Variants in SEC13 observed in about 807,000 individuals in gnomAD.
The protein encoded by SEC13 is SEC13 homolog, nuclear pore and COPII component.
Under a neutral mutation model 49.2 loss-of-function variants are expected in SEC13, and 25 were observed. The observed-to-expected ratio is 0.51, with a 90% confidence interval of 0.37 to 0.71. The LOEUF is 0.71. Among genes scored for constraint, SEC13 ranks in the 30% least tolerant of loss-of-function variants. The pLI, the probability that SEC13 is intolerant of heterozygous loss-of-function variation, is 0.00. For missense variants in SEC13, 383 were observed against 417.6 expected (o/e 0.92, Z 0.72); for synonymous variants, 148 against 163.9 (o/e 0.90, Z 0.74).
At chr3:10,309,638 G>T (rs1245101493) in intron 5 of SEC13, among the ~76,000 whole-genome samples, 1 of 152,096 alleles carries the variant, frequency 6.6e-6, no homozygotes, top group African/African-American at 2.4e-5. Context: ...ATGTCACCTG[G>T]CTTGATTTGA....
chr3:10,320,006 G>GGAGGGA (rs1553639103), intron 1 of SEC13, among the ~76,000 whole-genome samples: 2 of 103,112 alleles, frequency 1.9e-5, no homozygotes, highest in African/African-American at 7.6e-5. Context: ...GGGAGGGTGG[G>GGAGGGA]GAGAGAGAGA....
chr3:10,305,875 A>AT (rs1700844548), intron 5 of SEC13, 183 bp from the exon 6 acceptor site: 1 of 549,922 alleles, frequency 1.8e-6, no homozygotes, highest in Admixed American at 3.1e-5. Context: ...CAGTGTGTGC[A>AT]TTTTTCTGCA....
rs757952125 is a variant in SEC13, at chr3:10,315,323, C to T, written c.162G>A (p.Arg54=). 3 of 1,612,148 alleles carry T rather than the reference C, an allele frequency of 1.9e-6. No individual in the cohort carries two copies. Among genetic ancestry groups the T allele is most frequent in the Non-Finnish European group, 1.7e-6 (2 of 1,178,334 alleles). The change falls in exon 3 of 9, where the codon AGG becomes AGA. Residue 54 remains arginine (R), a splice_region_variant and synonymous_variant. Transcript: ENST00000350697. ...TCCCTGGGCTCGCCAGCACTTACCC[C>T]CTGAGGTCGGCGATAAGGATCTGCC... ...NGGQILIADL[R]GHEGPVWQVA... is the part of the protein sequence containing the mutation.
chr3:10,317,566 C>T (rs629067), intron 2 of SEC13, among the ~76,000 whole-genome samples: 79,634 of 151,760 alleles, frequency 0.52, 21,227 homozygotes, highest in South Asian at 0.68. Flanking sequence ...AGGGCCTTGT[C>T]TGGCCTATTG....
intron 5 of SEC13, among the ~76,000 whole-genome samples, chr3:10,307,875 C>T (rs1700987260): frequency 6.6e-6 from 1 of 152,170 alleles, no homozygotes; most frequent in African/African-American, 2.4e-5. Flanking sequence ...GCCCTGGGCC[C>T]AGCCTTTTAA....
intron 5 of SEC13, among the ~76,000 whole-genome samples, chr3:10,306,679 T>C (rs1389725708): frequency 6.6e-6 from 1 of 152,060 alleles, no homozygotes; most frequent in African/African-American, 2.4e-5. Flanking sequence ...TAGGAGGTAA[T>C]TGTATCACAG....
intron 4 of SEC13, 45 bp downstream of exon 4, chr3:10,312,534 T>C: frequency 6.2e-7 from 1 of 1,604,250 alleles, no homozygotes; most frequent in Non-Finnish European, 8.5e-7. Flanking sequence ...AGTCCTTTTT[T>C]ACCCAGTGGT....
intron 2 of SEC13, among the ~76,000 whole-genome samples, chr3:10,317,489 T>C (rs1701677686): frequency 6.6e-6 from 1 of 152,140 alleles, no homozygotes; most frequent in South Asian, 2.1e-4. Context: ...CCTGCAGCCC[T>C]GTCCTCTTAT....
chr3:10,311,580 T>C (rs1353868018), intron 5 of SEC13: 6 of 948,662 alleles, frequency 6.3e-6, no homozygotes, highest in African/African-American at 3.5e-5. Flanking sequence ...ACCTTGTTTA[T>C]ATTAATCTTT....
At chr3:10,312,200 A>G in intron 4 of SEC13, 102 bp from the exon 5 acceptor site, 25 of 1,457,584 alleles carry the variant, frequency 1.7e-5, no homozygotes, top group Non-Finnish European at 2.2e-5. Context: ...ACAACAAACA[A>G]CTGTAGGAGT....
intron 2 of SEC13, 55 bp downstream of exon 2, chr3:10,317,995 C>A: frequency 7.9e-7 from 1 of 1,259,316 alleles, no homozygotes; most frequent in Non-Finnish European, 1.2e-6. Context: ...TTGCTTCCCT[C>A]CCACAAAAAT....
intron 5 of SEC13, among the ~76,000 whole-genome samples, chr3:10,306,090 A>G (rs1018779431): frequency 2.0e-5 from 3 of 152,242 alleles, no homozygotes; most frequent in Non-Finnish European, 2.9e-5. Context: ...CTCTTCCACT[A>G]TAAGTAACCA....
chr3:10,300,978 C>T lies in SEC13; in HGVS notation c.*283G>A, dbSNP rs2125234105. 2 of 1,150,052 alleles carry T rather than the reference C, an allele frequency of 1.7e-6. No individual in the cohort carries two copies. The highest frequency in any genetic ancestry group is 2.6e-5 in the East Asian group (1 of 38,890). The allele number at this position is 1,150,052 out of a possible 1,614,324, so 71.2% of individuals were successfully genotyped here. A position where few individuals can be genotyped will look rare whatever the true frequency, so the allele number is the denominator to read the frequency against. ...TAGTTCCTTTGGAAACAAAACCCCC[C>T]AAATAATGCCTGAACCCAAAGGTAC... On this transcript the variant is annotated 3_prime_UTR_variant, in exon 9 of 9. Coordinates refer to ENST00000350697, the MANE Select transcript of SEC13 (RefSeq NM_183352.3).
chr3:10,319,939 GGA>G (rs1187384889), intron 1 of SEC13, among the ~76,000 whole-genome samples: 3 of 97,554 alleles, frequency 3.1e-5, no homozygotes, highest in Non-Finnish European at 4.0e-5. Context: ...AGAGGGAGGG[GGA>G]GAGAGAGAAA....
chr3:10,307,363 C>G (rs1700949041), intron 5 of SEC13, among the ~76,000 whole-genome samples: 1 of 151,754 alleles, frequency 6.6e-6, no homozygotes, highest in South Asian at 2.1e-4. Context: ...TGTGTGCCAC[C>G]ACGCCTGGCT....
Position 10,316,016 on chromosome 3 carries a change from C to T in SEC13, c.49-580G>A, listed in dbSNP as rs79688017. Among the ~76,000 whole-genome samples the T allele has an allele frequency of 8.4e-4, 128 of 152,320 alleles. 1 individual carries two copies. The highest frequency in any genetic ancestry group is 2.8e-3 in the African/African-American group (116 of 41,570). ...GGACCTTTGTTTTGGGGCTTCTGCT[C>T]GACCTTTTCCCTAGTAGTGTGCCCA... On this transcript the variant is annotated intron_variant, in intron 2 of 8. Coordinates refer to ENST00000350697, the MANE Select transcript of SEC13 (RefSeq NM_183352.3).
intron 1 of SEC13, chr3:10,319,360 C>G: frequency 6.8e-7 from 1 of 1,463,036 alleles, no homozygotes; most frequent in Non-Finnish European, 9.1e-7. Context: ...CTCCATGTGC[C>G]GAGCTGTATA....
At chr3:10,308,728 A>G (rs1701043947) in intron 5 of SEC13, among the ~76,000 whole-genome samples, 1 of 149,300 alleles carries the variant, frequency 6.7e-6, no homozygotes, top group African/African-American at 2.5e-5. Context: ...ACCCCCCAAA[A>G]TTTTCTTTAA....
rs1700465450 is a variant in SEC13 at position 10,301,031 on chromosome 3, C to T, written c.*230G>A. 8 of 1,553,468 alleles carry T rather than the reference C, an allele frequency of 5.1e-6. No homozygotes were observed. Among genetic ancestry groups the T allele is most frequent in the East Asian group, 2.3e-5 (1 of 43,972 alleles). On this transcript the variant is annotated 3_prime_UTR_variant, in exon 9 of 9. Transcript: ENST00000350697. Reference sequence around the variant, plus strand: ...AAAAATGACCCAAAATAGATTTGAACATCACTTGTAGTTTCTTCCTCGTAA... The same window carrying T: ...AAAAATGACCCAAAATAGATTTGAATATCACTTGTAGTTTCTTCCTCGTAA...
Sources: allele counts gnomAD v4.1 joint callset (sites outside exome capture counted in the v4.1 genomes callset), GRCh38; gene constraint gnomAD v4.1.1; transcripts MANE v1.5; gene names NCBI Gene and HGNC (gene_info 2026-07-23, HGNC 2026-07-21).